Variants in TANC1 observed in about 807,000 individuals in gnomAD.
TANC1 encodes the protein tetratricopeptide repeat, ankyrin repeat and coiled-coil containing 1, also known as protein TANC1.
TANC1 carries 77 observed loss-of-function variants against 149.7 expected under a neutral mutation model. The ratio of observed to expected loss-of-function variants is 0.51; its 90% CI spans 0.43 to 0.62. The LOEUF is 0.62. Among genes scored for constraint, TANC1 ranks in the 20% least tolerant of loss-of-function variants. The pLI, the probability that TANC1 is intolerant of heterozygous loss-of-function variation, is 0.00. For synonymous variants in TANC1, 854 were observed against 925.0 expected (o/e 0.92, Z 1.39); for missense variants, 1,985 against 2,321.8 (o/e 0.85, Z 2.98).
At chr2:159,151,186 T>C (rs1302548309) in intron 7 of TANC1, among the ~76,000 whole-genome samples, 4 of 152,244 alleles carry the variant, frequency 2.6e-5, no homozygotes. Context: ...ACTTTCTTTC[T>C]CTAGATCATT....
chr2:159,037,656 G>C (rs7563038), intron 2 of TANC1, among the ~76,000 whole-genome samples: 25 of 152,328 alleles, frequency 1.6e-4, no homozygotes, highest in African/African-American at 5.8e-4. Context: ...TCAAAGATCA[G>C]ATGGTTGTAG....
chr2:159,125,659 G>A (rs1279293648), intron 4 of TANC1, among the ~76,000 whole-genome samples: 5 of 149,562 alleles, frequency 3.3e-5, no homozygotes, highest in East Asian at 2.0e-4. Flanking sequence ...TCGTGATCTC[G>A]GCTCACTGCA....
At chr2:158,971,477 A>G (rs1356449933) in intron 1 of TANC1, among the ~76,000 whole-genome samples, 1 of 152,162 alleles carries the variant, frequency 6.6e-6, no homozygotes, top group Non-Finnish European at 1.5e-5. Flanking sequence ...GAGTGTTTAT[A>G]TATTTGTGGG....
chr2:159,144,126 C>G (rs575973021), intron 5 of TANC1, among the ~76,000 whole-genome samples: 1 of 151,974 alleles, frequency 6.6e-6, no homozygotes, highest in African/African-American at 2.4e-5. Flanking sequence ...AAAATTGATC[C>G]AAACTCTGAT....
intron 19 of TANC1, among the ~76,000 whole-genome samples, chr2:159,215,001 G>A (rs2059254189): frequency 6.6e-6 from 1 of 152,190 alleles, no homozygotes; most frequent in Non-Finnish European, 1.5e-5. Context: ...AAACTCTTAT[G>A]AGGGGCTGGT....
rs575684999 is a variant in TANC1, at chr2:159,192,096, G to A, written c.2743-2161G>A. Among the ~76,000 whole-genome samples, 9 of 152,242 alleles carry A rather than the reference G, an allele frequency of 5.9e-5. No homozygotes were observed. In the East Asian group the frequency reaches 1.5e-3, roughly 26 times the overall value. ...TTATTTTAAAACCTGTAGATAAAAA[G>A]CTTTTCCCAATACCTAGATCCAGGG... On this transcript the variant is annotated intron_variant, in intron 16 of 26. Coordinates refer to ENST00000263635, the MANE Select transcript of TANC1 (RefSeq NM_033394.3).
chr2:158,982,488 C>G (rs1381828035), intron 1 of TANC1, among the ~76,000 whole-genome samples: 1 of 152,272 alleles, frequency 6.6e-6, no homozygotes, highest in African/African-American at 2.4e-5. Context: ...TATGCCAAGG[C>G]CAAAGGCGAA....
intron 2 of TANC1, among the ~76,000 whole-genome samples, chr2:159,065,634 A>G (rs926905808): frequency 7.2e-6 from 1 of 139,772 alleles, no homozygotes; most frequent in East Asian, 2.0e-4. Context: ...CTGAGAATGC[A>G]CTATTGTTTT....
At chr2:159,078,792 C>T (rs938200445) in intron 3 of TANC1, among the ~76,000 whole-genome samples, 7 of 152,116 alleles carry the variant, frequency 4.6e-5, no homozygotes, top group East Asian at 1.9e-4. Flanking sequence ...ACTTAAGTAA[C>T]GTAAGAGTCT....
At chr2:159,106,837 C>CT (rs573435828) in intron 4 of TANC1, among the ~76,000 whole-genome samples, 1 of 152,152 alleles carries the variant, frequency 6.6e-6, no homozygotes, top group Non-Finnish European at 1.5e-5. Flanking sequence ...CTTGTATTGT[C>CT]TTTTTTATTA....
intron 1 of TANC1, among the ~76,000 whole-genome samples, chr2:158,984,394 C>A (rs894121837): frequency 6.6e-6 from 1 of 152,092 alleles, no homozygotes; most frequent in Non-Finnish European, 1.5e-5. Context: ...TTTTTTGCTT[C>A]CTTCATAAGA....
At chr2:159,119,660 G>A (rs1366432632) in intron 4 of TANC1, among the ~76,000 whole-genome samples, 1 of 152,198 alleles carries the variant, frequency 6.6e-6, no homozygotes, top group Non-Finnish European at 1.5e-5. Flanking sequence ...TAGGAAGTCA[G>A]ATGCGGTAGC....
At chr2:159,090,904 G>A (rs1180312390) in intron 3 of TANC1, among the ~76,000 whole-genome samples, 4 of 152,178 alleles carry the variant, frequency 2.6e-5, no homozygotes, top group African/African-American at 7.2e-5. Flanking sequence ...AGCATGAGGT[G>A]TGACTGAGAG....
chr2:159,153,059 AT>A (rs2053029882), intron 7 of TANC1, among the ~76,000 whole-genome samples: 1 of 152,050 alleles, frequency 6.6e-6, no homozygotes, highest in South Asian at 2.1e-4. Context: ...TTGTTATTTA[AT>A]TTTCTCTCCA....
chr2:159,231,099 A>G lies in TANC1; in HGVS notation c.*87A>G, dbSNP rs1344684063. 8.6e-6 allele frequency: 10 copies of G among 1,166,502 alleles called. No homozygotes were observed. The highest frequency in any genetic ancestry group is 1.2e-5 in the Non-Finnish European group (10 of 839,716). The allele number at this position is 1,166,502 out of a possible 1,614,324, so 72.3% of individuals were successfully genotyped here. ...AATAGTTTTTTTCATCAGAAAAATT[A>G]TTTTTTAGCCATTTTTTTTCTTTGG... On this transcript the variant is annotated 3_prime_UTR_variant, in exon 27 of 27. Transcript: ENST00000263635.
intron 3 of TANC1, among the ~76,000 whole-genome samples, chr2:159,071,441 G>A (rs2043149323): frequency 6.6e-6 from 1 of 152,124 alleles, no homozygotes; most frequent in Admixed American, 6.5e-5. Context: ...AAACCCAGGT[G>A]GTTGGCTAAA....
At chr2:159,074,727 G>C (rs1283955424) in intron 3 of TANC1, among the ~76,000 whole-genome samples, 1 of 151,950 alleles carries the variant, frequency 6.6e-6, no homozygotes, top group African/African-American at 2.4e-5. Context: ...TAGTCTGCTT[G>C]AGCTGCCGTA....
intron 2 of TANC1, among the ~76,000 whole-genome samples, chr2:159,048,391 ACTGT>A (rs1023829732): frequency 3.8e-4 from 58 of 152,292 alleles, no homozygotes; most frequent in African/African-American, 1.3e-3. Context: ...TCTTCCGTGA[ACTGT>A]CTATTAGCTG....
chr2:159,105,963 G>A (rs2047136775), intron 4 of TANC1, among the ~76,000 whole-genome samples: 2 of 132,176 alleles, frequency 1.5e-5, no homozygotes, highest in African/African-American at 5.3e-5. Context: ...TATCAGTCAT[G>A]TATGTTTAAA....
Sources: gnomAD v4.1 joint callset for allele counts (sites outside exome capture counted in the v4.1 genomes callset) on GRCh38, gnomAD v4.1.1 for gene constraint, MANE v1.5 for transcripts, NCBI Gene and HGNC (gene_info 2026-07-23, HGNC 2026-07-21) for gene names.